CRTAC1: variants seen among roughly 807,000 people sequenced by gnomAD.
CRTAC1 encodes the protein cartilage acidic protein 1, also known as acidic secreted protein in cartilage.
In CRTAC1, 37 loss-of-function variants were observed where a neutral mutation model predicts 67.8. That is an observed-to-expected ratio of 0.55 (90% confidence interval 0.42 to 0.72). The LOEUF (loss-of-function observed/expected upper bound fraction) is 0.72. CRTAC1 is among the 30% of genes least tolerant of loss of function. The probability of loss-of-function intolerance (pLI) is 0.00; values close to 1 mark genes in which losing one functional copy is unlikely to be tolerated. For synonymous variants in CRTAC1, 348 were observed against 371.0 expected, an observed-to-expected ratio of 0.94 and a Z score of 0.71; for missense variants, 780 against 931.6, an observed-to-expected ratio of 0.84 and a Z score of 2.12.
intron 12 of CRTAC1, among the ~76,000 whole-genome samples, chr10:97,883,546 TC>T (rs1173270861): frequency 1.3e-5 from 2 of 152,118 alleles, no homozygotes; most frequent in African/African-American, 4.8e-5. Flanking sequence ...GCCCCTCTCC[TC>T]CCAAAGCCAG....
At chr10:98,016,779 C>A (rs368657724) in intron 1 of CRTAC1, among the ~76,000 whole-genome samples, 12 of 152,236 alleles carry the variant, frequency 7.9e-5, no homozygotes, top group African/African-American at 2.9e-4. Context: ...TGGGAAGCTG[C>A]AATCTGATTT....
chr10:97,976,646 C>T (rs1310055525), intron 2 of CRTAC1, among the ~76,000 whole-genome samples: 1 of 152,214 alleles, frequency 6.6e-6, no homozygotes, highest in Non-Finnish European at 1.5e-5. Flanking sequence ...CATGAGCAAA[C>T]CGATCCATTG....
chr10:97,879,470 G>A (rs1297824450), intron 14 of CRTAC1, among the ~76,000 whole-genome samples: 1 of 152,150 alleles, frequency 6.6e-6, no homozygotes, highest in Non-Finnish European at 1.5e-5. Context: ...TGTTTTCTCA[G>A]AAAACATGCA....
In CRTAC1 at chr10:97,880,262, GC is replaced by G; in HGVS notation, c.1805del (p.Gly602AlafsTer42). 1 of 1,614,168 alleles carries G rather than the reference GC, an allele frequency of 6.2e-7. No individual in the cohort carries two copies. The highest frequency in any genetic ancestry group is 8.5e-7 in the Non-Finnish European group (1 of 1,180,024). The stretch of plus-strand genomic sequence containing the variant: ...GGCCCCACTCACCCACGCAGGCTGT[GC>G]CATCCTCGTTGGGCTCGTAGCCCCG... The part of the protein sequence containing the change: ...CSRGYEPNED[G>X]TACVGTLGQS... On this transcript the variant is annotated frameshift_variant, in exon 14 of 15. Coordinates refer to ENST00000370597, the MANE Select transcript of CRTAC1 (RefSeq NM_018058.7). LOFTEE classifies it high-confidence loss of function.
At chr10:97,954,172 C>T (rs1044092500) in intron 2 of CRTAC1, among the ~76,000 whole-genome samples, 2 of 152,168 alleles carry the variant, frequency 1.3e-5, no homozygotes, top group African/African-American at 4.8e-5. Flanking sequence ...GGCTCAGCTC[C>T]ACTTTCCTGG....
intron 2 of CRTAC1, among the ~76,000 whole-genome samples, chr10:97,995,773 CT>C (rs1842552227): frequency 6.6e-6 from 1 of 152,212 alleles, no homozygotes; most frequent in East Asian, 1.9e-4. Context: ...TTACAGAACC[CT>C]ACATTAAGCC....
chr10:97,919,912 T>TA (rs57033574), intron 4 of CRTAC1, among the ~76,000 whole-genome samples: 2 of 151,710 alleles, frequency 1.3e-5, no homozygotes, highest in African/African-American at 4.9e-5. Context: ...GCTAATTTTT[T>TA]TTTTTGTTTG....
chr10:97,884,543 T>G, intron 11 of CRTAC1, 192 bp from the exon 12 acceptor site: 1 of 601,582 alleles, frequency 1.7e-6, no homozygotes, highest in Non-Finnish European at 2.9e-6. Context: ...TAGACCTGTC[T>G]GTCTGCAAGG....
intron 2 of CRTAC1, among the ~76,000 whole-genome samples, chr10:98,009,852 C>T (rs892188122): frequency 9.2e-5 from 14 of 152,084 alleles, no homozygotes; most frequent in Non-Finnish European, 1.8e-4. Context: ...GTTCAGATCC[C>T]GACTTATCTA....
intron 9 of CRTAC1, 121 bp from the exon 10 acceptor site, chr10:97,896,106 G>A (rs779600635): frequency 6.5e-5 from 52 of 795,388 alleles, no homozygotes; most frequent in African/African-American, 3.9e-4. Context: ...GCACAGCACC[G>A]GGGCAGGAAG....
chr10:97,961,963 G>A (rs536787918), intron 2 of CRTAC1, among the ~76,000 whole-genome samples: 2 of 152,274 alleles, frequency 1.3e-5, no homozygotes, highest in Non-Finnish European at 2.9e-5. Context: ...CTTTATGTCT[G>A]CTCTCTTTTT....
At chr10:97,872,127 T>A (rs1459167193) in intron 14 of CRTAC1, among the ~76,000 whole-genome samples, 6 of 60,680 alleles carry the variant, frequency 9.9e-5, no homozygotes, top group African/African-American at 3.0e-4. Flanking sequence ...CACCCCCACC[T>A]CCCCCTATCC....
intron 14 of CRTAC1, chr10:97,867,976 C>G: frequency 2.0e-5 from 3 of 152,310 alleles, no homozygotes; most frequent in Non-Finnish European, 4.4e-5. Flanking sequence ...GGACTGAAAG[C>G]GAGGCCAAAA....
intron 2 of CRTAC1, among the ~76,000 whole-genome samples, chr10:97,963,857 T>C (rs2051567848): frequency 1.3e-5 from 2 of 152,180 alleles, no homozygotes; most frequent in Non-Finnish European, 2.9e-5. Flanking sequence ...GAAGAAGAAA[T>C]TGAGGCTCGG....
Position 97,904,729 on chromosome 10 carries a change from G to A in CRTAC1, c.936C>T (p.Asn312=). The change falls in exon 7 of 15, where the codon AAC becomes AAT. Residue 312 remains asparagine (N), a synonymous_variant. Transcript: ENST00000370597. ...GATAGAGGCGGTGGGGGCCATTCCA[G>A]TTGCCATAGACGATGTCCACTTTGC... ...RDGKVDIVYG[N]WNGPHRLYLQ... The A allele has an allele frequency of 6.2e-7, 1 of 1,604,424 alleles. No individual in the cohort carries two copies. Among genetic ancestry groups the A allele is most frequent in the Admixed American group, 1.7e-5 (1 of 57,936 alleles).
intron 1 of CRTAC1, among the ~76,000 whole-genome samples, chr10:98,021,645 A>G (rs1424201343): frequency 1.3e-5 from 2 of 152,242 alleles, no homozygotes; most frequent in Non-Finnish European, 2.9e-5. Flanking sequence ...GAGAAAGTCC[A>G]CACGTGGTAG....
chr10:97,890,457 G>A (rs1440188161), intron 11 of CRTAC1, among the ~76,000 whole-genome samples: 1 of 152,092 alleles, frequency 6.6e-6, no homozygotes, highest in Admixed American at 6.5e-5. Context: ...AGAAACAATT[G>A]GAAAATATCA....
Position 97,895,926 on chromosome 10 carries a change from C to A in CRTAC1, c.1276G>T (p.Glu426Ter). The A allele has an allele frequency of 6.2e-7, 1 of 1,614,064 alleles. No homozygotes were observed. Among genetic ancestry groups the A allele is most frequent in the Non-Finnish European group, 8.5e-7 (1 of 1,179,950 alleles). ...GMLDLILSHG[E>*]SMAQPLSVFR... ...ACGGACAGCGGCTGAGCCATGGACT[C>A]TCCATGGGACAAGATGAGGTCCAGC... The change falls in exon 10 of 15, where the codon GAG becomes TAG. Residue 426 changes from glutamate (E) to a stop codon, truncating the protein, a stop_gained. Transcript: ENST00000370597. LOFTEE classifies it high-confidence loss of function. The surrounding 1 kb of genome is among the most constrained non-coding windows in gnomAD (Gnocchi z 4.2).
rs1189101281 is a variant in CRTAC1 at position 97,996,342 on chromosome 10, AG to A, written c.224+14795del. Reference sequence around the variant, plus strand: ...TTTTCGCAACCTACTCATCTGACAAAGGGCTAATATCCAGAATCTACAATGA... The same window carrying A: ...TTTTCGCAACCTACTCATCTGACAAAGGCTAATATCCAGAATCTACAATGA... On this transcript the variant is annotated intron_variant, in intron 2 of 14. Transcript: ENST00000370597. Among the ~76,000 whole-genome samples, 6 of 148,792 alleles carry A rather than the reference AG, an allele frequency of 4.0e-5. No homozygotes were observed. The East Asian group carries it at 7.9e-4, about 20-fold the overall frequency.
Sources: allele counts gnomAD v4.1 joint callset (sites outside exome capture counted in the v4.1 genomes callset), GRCh38; gene constraint gnomAD v4.1.1; non-coding constraint Gnocchi (gnomAD v3.1); transcripts MANE v1.5; gene names NCBI Gene and HGNC (gene_info 2026-07-23, HGNC 2026-07-21).